Variants in BRI3BP observed in about 807,000 individuals in gnomAD.
BRI3BP encodes the protein BRI3 binding protein, also known as BRI3-binding protein.
BRI3BP carries 7 observed loss-of-function variants against 15.8 expected under a neutral mutation model. That is an observed-to-expected ratio of 0.44 (90% CI 0.25 to 0.83). The LOEUF is 0.83. Among genes scored for constraint, BRI3BP ranks in the 40% least tolerant of loss-of-function variants. BRI3BP has a pLI of 0.20. For missense variants in BRI3BP, 320 were observed against 339.3 expected (o/e 0.94, Z 0.45); for synonymous variants, 192 against 163.5 (o/e 1.17, Z -1.33).
chr12:124,999,114 C>A (rs1265006344), intron 1 of BRI3BP, among the ~76,000 whole-genome samples: 4 of 152,130 alleles, frequency 2.6e-5, no homozygotes, highest in Non-Finnish European at 4.4e-5. Flanking sequence ...TTTCAAGCAC[C>A]TACTGTATGT....
Position 125,026,951 on chromosome 12 carries a change from T to TA in BRI3BP, c.*1537dup, listed in dbSNP as rs34513244. The TA allele has an allele frequency of 5.8e-3, 746 of 129,218 alleles. 4 individuals carry two copies. The highest frequency in any genetic ancestry group is 0.012 in the African/African-American group (402 of 34,458). 8.0% of individuals were successfully genotyped at this position (129,218 alleles called of 1,614,324 possible). On this transcript the variant is annotated 3_prime_UTR_variant, in exon 3 of 3. Transcript: ENST00000341446. ...TAGGCAACAGAGCAAGACTTCATCT[T>TA]AAAAAAAAAAAAAAAAGCCCAGCAT...
intron 2 of BRI3BP, among the ~76,000 whole-genome samples, chr12:125,022,541 A>ATTTATTTTATTTTTTTTTT: frequency 2.9e-5 from 4 of 139,434 alleles, no homozygotes; most frequent in African/African-American, 1.2e-4. Context: ...TTATTTATTT[A>ATTTATTTTATTTTTTTTTT]TTTTTTGAGA....
chr12:125,041,858 A>G, the BRI3BP span, among the ~76,000 whole-genome samples: 2 of 152,016 alleles, frequency 1.3e-5, no homozygotes, highest in Admixed American at 6.6e-5. Context: ...ACACCTGGCT[A>G]ATGTTTTAAC....
intron 1 of BRI3BP, among the ~76,000 whole-genome samples, chr12:125,002,999 C>T (rs1196147015): frequency 6.6e-6 from 1 of 152,152 alleles, no homozygotes; most frequent in African/African-American, 2.4e-5. Context: ...GTGCCCTTTC[C>T]CCTCTGTGGT....
chr12:125,025,097 G>C lies in BRI3BP; in HGVS notation c.423G>C (p.Leu141=). ...VVLLAYWFLS[L]TLGFTFSVLH... ...TCCTGGCCTACTGGTTCTTGTCCCT[G>C]ACCCTGGGCTTCACTTTCAGCGTCC... is the stretch of plus-strand genomic sequence containing the variant. The change falls in exon 3 of 3, where the codon CTG becomes CTC. Residue 141 remains leucine, a synonymous_variant. Transcript: ENST00000341446. The C allele has an allele frequency of 1.9e-6, 3 of 1,613,938 alleles. No individual in the cohort carries two copies. The South Asian group carries it at 3.3e-5, about 18-fold the overall frequency.
downstream of BRI3BP, among the ~76,000 whole-genome samples, chr12:125,035,765 G>A (rs1365347184): frequency 2.6e-5 from 4 of 152,016 alleles, no homozygotes; most frequent in African/African-American, 9.7e-5. Context: ...CCTGTCAGGT[G>A]TGGTCTTAAC....
intron 1 of BRI3BP, among the ~76,000 whole-genome samples, chr12:124,995,835 C>A (rs1955035958): frequency 6.6e-6 from 1 of 152,204 alleles, no homozygotes; most frequent in Non-Finnish European, 1.5e-5. Flanking sequence ...ACATTAGTAT[C>A]TCTCGCCTGT....
chr12:125,009,281 A>ATTT (rs1182008279), intron 1 of BRI3BP, among the ~76,000 whole-genome samples: 2 of 94,906 alleles, frequency 2.1e-5, no homozygotes, highest in Non-Finnish European at 4.6e-5. Flanking sequence ...GCACCCAGCC[A>ATTT]TCTTTTTTTT....
chr12:125,013,323 A>G (rs1004315747), intron 2 of BRI3BP, among the ~76,000 whole-genome samples: 2 of 152,198 alleles, frequency 1.3e-5, no homozygotes, highest in South Asian at 2.1e-4. Context: ...GAAGAGATGC[A>G]TGGCCTCAGA....
At chr12:125,022,541 A>ATTTATTTATTTATTTATTTATTT in intron 2 of BRI3BP, among the ~76,000 whole-genome samples, 40 of 139,426 alleles carry the variant, frequency 2.9e-4, no homozygotes, top group Middle Eastern at 3.7e-3. Context: ...TTATTTATTT[A>ATTTATTTATTTATTTATTTATTT]TTTTTTGAGA....
chr12:125,029,850 T>C lies in BRI3BP; in HGVS notation c.*4420T>C, dbSNP rs1955393665. The C allele has an allele frequency of 6.6e-6, 1 of 152,368 alleles. No individual in the cohort carries two copies. The highest frequency in any genetic ancestry group is 2.1e-4 in the South Asian group (1 of 4,828). 9.4% of individuals were successfully genotyped at this position (152,368 alleles called of 1,614,324 possible). On this transcript the variant is annotated 3_prime_UTR_variant, in exon 3 of 3. Transcript: ENST00000341446. Reference sequence around the variant, plus strand: ...TCAGGGAACTGGGACTATGTCTTTATGACTGTGATGGTGGTAACCAAGTGG... The same window carrying C: ...TCAGGGAACTGGGACTATGTCTTTACGACTGTGATGGTGGTAACCAAGTGG...
At chr12:125,042,756 C>G in the BRI3BP span, among the ~76,000 whole-genome samples, 3 of 152,080 alleles carry the variant, frequency 2.0e-5, no homozygotes, top group Non-Finnish European at 2.9e-5. Flanking sequence ...AGGCTGGTTT[C>G]AAACTCCTGA....
intron 1 of BRI3BP, among the ~76,000 whole-genome samples, chr12:124,997,209 C>CTTTTTTTTTT (rs1955047908): frequency 2.5e-5 from 1 of 40,748 alleles, no homozygotes; most frequent in African/African-American, 1.8e-4. Flanking sequence ...TTTTGCTTTA[C>CTTTTTTTTTT]TTCTCTTTTT....
the BRI3BP span, among the ~76,000 whole-genome samples, chr12:125,046,747 C>T: frequency 2.6e-5 from 4 of 152,142 alleles, no homozygotes; most frequent in African/African-American, 4.8e-5. Context: ...ATCAGTCATA[C>T]GTGCGTGTTT....
In BRI3BP at chr12:125,012,574, A is replaced by T. The variant is rs1225846208; in HGVS notation, c.254A>T (p.Asp85Val). ...RLTERFVLGV[D>V]MFVETLWKVW... ...ACTGAGAGATTTGTGCTGGGAGTGG[A>T]TATGTTCGTGGAGACACTGTGGAAA... Residue 85 changes from aspartate to valine, a missense_variant, in exon 2 of 3, where the codon GAT (aspartate) becomes GTT (valine). Coordinates refer to ENST00000341446, the MANE Select transcript of BRI3BP (RefSeq NM_080626.6). 6.2e-7 allele frequency: 1 copy of T among 1,613,236 alleles called. No individual in the cohort carries two copies. Among genetic ancestry groups the T allele is most frequent in the Admixed American group, 1.7e-5 (1 of 59,972 alleles).
At position 125,029,664 on chromosome 12, in the gene BRI3BP, C is replaced by T. The variant is rs1955392495; in HGVS notation, c.*4234C>T. 1 of 151,914 alleles carries T rather than the reference C, an allele frequency of 6.6e-6. No homozygotes were observed. The highest frequency in any genetic ancestry group is 6.6e-5 in the Admixed American group (1 of 15,238). 9.4% of individuals were successfully genotyped at this position (151,914 alleles called of 1,614,324 possible). On this transcript the variant is annotated 3_prime_UTR_variant, in exon 3 of 3. Coordinates refer to ENST00000341446, the MANE Select transcript of BRI3BP (RefSeq NM_080626.6). ...TTGGATTTCAGCCCCCATATCATTT[C>T]TGGTAACAGAGCACAGCAATAGAAT...
At chr12:125,039,168 A>G in the BRI3BP span, among the ~76,000 whole-genome samples, 1 of 152,240 alleles carries the variant, frequency 6.6e-6, no homozygotes, top group Non-Finnish European at 1.5e-5. Flanking sequence ...AAAATGGAAC[A>G]GCTAATAAGG....
chr12:125,018,132 G>A (rs185392369), intron 2 of BRI3BP, among the ~76,000 whole-genome samples: 3 of 152,238 alleles, frequency 2.0e-5, no homozygotes, highest in South Asian at 2.1e-4. Context: ...ACTGAGGGGC[G>A]GCTGGCCAGC....
the BRI3BP span, among the ~76,000 whole-genome samples, chr12:125,049,243 C>A: frequency 6.6e-6 from 1 of 152,128 alleles, no homozygotes; most frequent in Non-Finnish European, 1.5e-5. Flanking sequence ...TTAACTCAGA[C>A]CATCCTATCT....
Sources: allele counts gnomAD v4.1 joint callset (sites outside exome capture counted in the v4.1 genomes callset), GRCh38; gene constraint gnomAD v4.1.1; transcripts MANE v1.5; gene names NCBI Gene and HGNC (gene_info 2026-07-23, HGNC 2026-07-21).